ZNF599: variants seen among roughly 807,000 people sequenced by gnomAD.
ZNF599 encodes zinc finger protein 599.
A neutral mutation model predicts 11.7 loss-of-function variants in ZNF599; 10 were observed. The ratio of observed to expected loss-of-function variants is 0.86; its 90% confidence interval spans 0.53 to 1.45. The LOEUF is 1.45. Among genes scored for constraint, ZNF599 ranks in the 40% most tolerant of loss-of-function variants. ZNF599 has a pLI of 0.00. For synonymous variants in ZNF599, 232 were observed against 253.2 expected (o/e 0.92, Z 0.79); for missense variants, 688 against 713.6 (o/e 0.96, Z 0.41).
At chr19:34,806,082 G>T in the ZNF599 span, among the ~76,000 whole-genome samples, 1 of 152,190 alleles carries the variant, frequency 6.6e-6, no homozygotes, top group African/African-American at 2.4e-5. Context: ...TGGATGGAAG[G>T]TTGGGACCAG....
Position 34,762,274 on chromosome 19 carries a change from G to A in ZNF599, c.242-1715C>T, listed in dbSNP as rs113580306. On this transcript the variant is annotated intron_variant, in intron 3 of 3. Transcript: ENST00000329285. ...TTGGTAATAGGGGAAAAACAAATTA[G>A]GACCACAATGAGATGCCCCATTTTA... is the stretch of plus-strand genomic sequence containing the variant. 7.9e-3 allele frequency among the ~76,000 whole-genome samples: 1,205 copies of A among 152,192 alleles called. 9 individuals are homozygous for A. Among genetic ancestry groups the A allele is most frequent in the Non-Finnish European group, 0.012 (848 of 67,992 alleles).
At chr19:34,798,557 C>T in the ZNF599 span, among the ~76,000 whole-genome samples, 1 of 152,168 alleles carries the variant, frequency 6.6e-6, no homozygotes, top group Non-Finnish European at 1.5e-5. Context: ...ATAGCAGTAT[C>T]AGAATTGTTC....
At chr19:34,777,282 T>A (rs10417709), upstream of ZNF599, among the ~76,000 whole-genome samples, 30,333 of 111,486 alleles carry the variant, frequency 0.27, 4,814 homozygotes, top group Middle Eastern at 0.38. Flanking sequence ...GCAAATATTT[T>A]AAAAATTGAT....
the ZNF599 span, among the ~76,000 whole-genome samples, chr19:34,783,472 G>A: frequency 6.6e-6 from 1 of 152,094 alleles, no homozygotes; most frequent in African/African-American, 2.4e-5. Flanking sequence ...TTTAGGGCAG[G>A]GGGACAGTGT....
chr19:34,777,988 G>A (rs10416543), upstream of ZNF599, among the ~76,000 whole-genome samples: 1 of 151,882 alleles, frequency 6.6e-6, no homozygotes, highest in Non-Finnish European at 1.5e-5. Flanking sequence ...CAGTAAAAGG[G>A]GGGGAGGGGA....
At chr19:34,778,237 C>G in the ZNF599 span, among the ~76,000 whole-genome samples, 2 of 151,850 alleles carry the variant, frequency 1.3e-5, no homozygotes, top group South Asian at 2.1e-4. Flanking sequence ...TGAAGGGTCT[C>G]AAATCATGGG....
At chr19:34,802,131 C>T in the ZNF599 span, among the ~76,000 whole-genome samples, 1 of 152,186 alleles carries the variant, frequency 6.6e-6, no homozygotes. Flanking sequence ...TGCACGTGGA[C>T]TTTGGTGAGA....
Position 34,772,977 on chromosome 19 carries a change from C to T in ZNF599, c.-136G>A. On this transcript the variant is annotated 5_prime_UTR_variant, in exon 1 of 4. Transcript: ENST00000329285. Reference sequence around the variant, plus strand: ...TCGTGTAAAATGCACACAAGGTTCGCGGCGCCGCCTCTGCGCGCCGTGAGG... The same window carrying T: ...TCGTGTAAAATGCACACAAGGTTCGTGGCGCCGCCTCTGCGCGCCGTGAGG... 9.1e-7 allele frequency: 1 copy of T among 1,100,568 alleles called. No homozygotes were observed. The highest frequency in any genetic ancestry group is 1.2e-6 in the Non-Finnish European group (1 of 816,454). The allele number at this position is 1,100,568 out of a possible 1,614,324, so 68.2% of individuals were successfully genotyped here.
chr19:34,759,645 T>C lies in ZNF599; in HGVS notation c.1156A>G (p.Met386Val), dbSNP rs770562039. The C allele has an allele frequency of 3.7e-6, 6 of 1,614,126 alleles. No homozygotes were observed. Among genetic ancestry groups the C allele is most frequent in the African/African-American group, 1.3e-5 (1 of 74,950 alleles). ...GGTTTCTCTCCAGTGTGAATCCTCA[T>C]GTGCTGAGTGAAGGATGAGTTGAGG... ...FCLNSSFTQH[M>V]RIHTGEKPYE... Residue 386 changes from methionine (M) to valine (V), a missense_variant, in exon 4 of 4, where the codon ATG becomes GTG. Coordinates refer to ENST00000329285, the MANE Select transcript of ZNF599 (RefSeq NM_001007248.3).
the ZNF599 span, among the ~76,000 whole-genome samples, chr19:34,801,114 G>C: frequency 6.6e-6 from 1 of 152,184 alleles, no homozygotes; most frequent in Non-Finnish European, 1.5e-5. Context: ...AAGTTGTCCA[G>C]AGTATCTCAG....
chr19:34,763,911 C>T (rs1416711235), intron 3 of ZNF599: 1 of 152,096 alleles, frequency 6.6e-6, no homozygotes, highest in East Asian at 1.9e-4. Context: ...AAAACCCTAT[C>T]TCTACTAAAA....
At chr19:34,767,559 A>G (rs2069153184) in intron 2 of ZNF599, 148 bp from the exon 3 acceptor site, 1 of 565,248 alleles carries the variant, frequency 1.8e-6, no homozygotes, top group South Asian at 2.6e-5. Context: ...TCCCTAATTA[A>G]CCTAAGTCAG....
the ZNF599 span, among the ~76,000 whole-genome samples, chr19:34,784,539 T>A: frequency 5.9e-5 from 9 of 152,184 alleles, no homozygotes; most frequent in Non-Finnish European, 1.0e-4. Flanking sequence ...ATGGTGGTGA[T>A]CCTGGCTTCA....
At chr19:34,762,242 A>G (rs901746020) in intron 3 of ZNF599, among the ~76,000 whole-genome samples, 1 of 152,202 alleles carries the variant, frequency 6.6e-6, no homozygotes, top group African/African-American at 2.4e-5. Flanking sequence ...AGAAGTGTTC[A>G]CCTTTCTTGG....
chr19:34,788,182 C>A, the ZNF599 span, among the ~76,000 whole-genome samples: 10 of 152,148 alleles, frequency 6.6e-5, no homozygotes, highest in Admixed American at 1.3e-4. Context: ...TCTGTGGATG[C>A]AGTATCTGTG....
the ZNF599 span, among the ~76,000 whole-genome samples, chr19:34,799,749 C>T: frequency 2.0e-5 from 3 of 152,210 alleles, no homozygotes; most frequent in Non-Finnish European, 2.9e-5. Flanking sequence ...GTCTACCCCA[C>T]AGAACCATGT....
At chr19:34,781,029 A>G in the ZNF599 span, among the ~76,000 whole-genome samples, 6 of 152,002 alleles carry the variant, frequency 3.9e-5, no homozygotes, top group South Asian at 2.1e-4. Context: ...GGTGGCGGGC[A>G]CCTGTAGTCC....
intron 1 of ZNF599, chr19:34,772,424 C>G: frequency 1.9e-6 from 2 of 1,041,166 alleles, no homozygotes; most frequent in Non-Finnish European, 2.3e-6. Flanking sequence ...ACAGCAGGAC[C>G]TAGAGAGTCC....
At chr19:34,793,335 T>G in the ZNF599 span, among the ~76,000 whole-genome samples, 40 of 152,108 alleles carry the variant, frequency 2.6e-4, no homozygotes, top group Non-Finnish European at 3.8e-4. Context: ...AGGGATGTTG[T>G]GAGGGCTAAT....
Sources: gnomAD v4.1 joint callset for allele counts (sites outside exome capture counted in the v4.1 genomes callset) on GRCh38, gnomAD v4.1.1 for gene constraint, MANE v1.5 for transcripts, NCBI Gene and HGNC (gene_info 2026-07-23, HGNC 2026-07-21) for gene names.